ADAP2: variants seen among roughly 807,000 people sequenced by gnomAD.
ADAP2 encodes the protein arf-GAP with dual PH domain-containing protein 2.
Under a neutral mutation model 54.9 loss-of-function variants are expected in ADAP2, and 42 were observed. The ratio of observed to expected loss-of-function variants is 0.77; its 90% CI spans 0.60 to 0.99. The LOEUF is 0.99. Among genes scored for constraint, ADAP2 ranks in the 50% least tolerant of loss-of-function variants. The pLI, the probability that ADAP2 is intolerant of heterozygous loss-of-function variation, is 0.00. For missense variants in ADAP2, 429 were observed against 480.4 expected (o/e 0.89, Z 1.00); for synonymous variants, 177 against 180.1 (o/e 0.98, Z 0.14).
In ADAP2 at chr17:30,953,254, G is replaced by C. The variant is rs766000180; in HGVS notation, c.742-34G>C. ...GCGGGAACCTGGAGCCTTGGGGTGT[G>C]AGTTGGGGGTCAGTGTCTGTCTCTC... is the stretch of plus-strand genomic sequence containing the variant. On this transcript the variant is annotated intron_variant, in intron 7 of 10. Transcript: ENST00000330889. The C allele has an allele frequency of 1.9e-6, 3 of 1,612,634 alleles. No individual in the cohort carries two copies. The South Asian group carries it at 3.3e-5, about 18-fold the overall frequency.
At chr17:30,955,026 T>G (rs983936346) in intron 9 of ADAP2, among the ~76,000 whole-genome samples, 2 of 152,104 alleles carry the variant, frequency 1.3e-5, no homozygotes, top group Admixed American at 1.3e-4. Flanking sequence ...GAGGTTGCCA[T>G]GATGGTTATT....
intron 3 of ADAP2, 21 bp from the exon 4 acceptor site, chr17:30,931,868 C>T: frequency 6.3e-7 from 1 of 1,587,474 alleles, no homozygotes. Context: ...ACGCAGCTGA[C>T]CTCAGGCTCT....
intron 2 of ADAP2, 108 bp downstream of exon 2, chr17:30,923,178 C>A: frequency 7.7e-7 from 1 of 1,305,122 alleles, no homozygotes; most frequent in Admixed American, 1.8e-5. Context: ...CAGAGAGGGG[C>A]AAGTCTAGCT....
At chr17:30,938,919 A>T (rs1162214606) in intron 5 of ADAP2, among the ~76,000 whole-genome samples, 2 of 152,166 alleles carry the variant, frequency 1.3e-5, no homozygotes, top group African/African-American at 4.8e-5. Flanking sequence ...TGGCTTGATC[A>T]CTACACATTA....
At chr17:30,942,400 C>A (rs1183345516) in intron 5 of ADAP2, among the ~76,000 whole-genome samples, 1 of 152,098 alleles carries the variant, frequency 6.6e-6, no homozygotes, top group Non-Finnish European at 1.5e-5. Context: ...AATATTGGTA[C>A]AATCACTGTT....
At chr17:30,926,158 A>AGAGGAGC (rs1046235632) in intron 2 of ADAP2, among the ~76,000 whole-genome samples, 1 of 152,218 alleles carries the variant, frequency 6.6e-6, no homozygotes, top group Non-Finnish European at 1.5e-5. Context: ...GCAGAGGAGA[A>AGAGGAGC]GAGGAGCAAT....
At chr17:30,953,756 C>T (rs186036559) in intron 8 of ADAP2, among the ~76,000 whole-genome samples, 71 of 152,188 alleles carry the variant, frequency 4.7e-4, no homozygotes, top group Admixed American at 4.0e-3. Flanking sequence ...AGGCTGGTCT[C>T]GAACTCCTGA....
Position 30,956,352 on chromosome 17 carries a change from A to G in ADAP2, c.994A>G (p.Ile332Val), listed in dbSNP as rs761180255. ...AAATCGCTGGAAAGCCGGACTCACC[A>G]TTGTCACCCCAGAGCGGAGATTTGT... is the stretch of plus-strand genomic sequence containing the variant. ...RGNRWKAGLT[I>V]VTPERRFVLT... Residue 332 changes from isoleucine to valine, a missense_variant, in exon 10 of 11, where the codon ATT becomes GTT. Ile to Val is a conservative substitution (Grantham distance 29). Coordinates refer to ENST00000330889, the MANE Select transcript of ADAP2 (RefSeq NM_018404.3). 1.2e-6 allele frequency: 2 copies of G among 1,614,042 alleles called. No homozygotes were observed. The highest frequency in any genetic ancestry group is 1.7e-6 in the Non-Finnish European group (2 of 1,180,026).
intron 5 of ADAP2, among the ~76,000 whole-genome samples, chr17:30,936,356 G>A (rs191853107): frequency 6.6e-6 from 1 of 152,080 alleles, no homozygotes; most frequent in East Asian, 1.9e-4. Context: ...TAGAGATAGG[G>A]TTTTGCTTTG....
In ADAP2 at chr17:30,922,931, C is replaced by CTG. The variant is rs1311177068; in HGVS notation, c.95-9_95-8insTG. 1 of 1,613,422 alleles carries CTG rather than the reference C, an allele frequency of 6.2e-7. No individual in the cohort carries two copies. The highest frequency in any genetic ancestry group is 8.5e-7 in the Non-Finnish European group (1 of 1,179,842). On this transcript the variant is annotated splice_polypyrimidine_tract_variant and intron_variant, in intron 1 of 10. Coordinates refer to ENST00000330889, the MANE Select transcript of ADAP2 (RefSeq NM_018404.3). ...CCGCTCAGCTCCTCTCCTGCCTCAT[C>CTG]CCCTGCAGATCCCGACTGGGCCTCT...
At chr17:30,933,776 G>A (rs1911672580) in intron 4 of ADAP2, among the ~76,000 whole-genome samples, 1 of 152,246 alleles carries the variant, frequency 6.6e-6, no homozygotes, top group Non-Finnish European at 1.5e-5. Flanking sequence ...GGGATTACAG[G>A]CGTGAGCCAC....
intron 9 of ADAP2, 94 bp from the exon 10 acceptor site, chr17:30,956,147 C>G: frequency 1.8e-6 from 2 of 1,104,696 alleles, no homozygotes; most frequent in Non-Finnish European, 2.6e-6. Context: ...GACCTCATAC[C>G]CCTTTCCCAA....
At chr17:30,952,639 G>T (rs932869225) in intron 7 of ADAP2, among the ~76,000 whole-genome samples, 8 of 152,156 alleles carry the variant, frequency 5.3e-5, no homozygotes, top group African/African-American at 1.9e-4. Flanking sequence ...ACCTCCCAAA[G>T]TGCTGGGATT....
chr17:30,928,148 A>T (rs1911199877), intron 3 of ADAP2, among the ~76,000 whole-genome samples: 1 of 142,620 alleles, frequency 7.0e-6, no homozygotes, highest in Admixed American at 7.3e-5. Context: ...AGCCAAGATC[A>T]CGCCACTGCA....
intron 2 of ADAP2, among the ~76,000 whole-genome samples, chr17:30,923,893 G>A (rs11867227): frequency 0.24 from 36,775 of 151,164 alleles, 4,568 homozygotes; most frequent in Middle Eastern, 0.28. Flanking sequence ...TAGCAGAGAC[G>A]GGGTTTTGCC....
chr17:30,947,599 C>T (rs758921101), intron 6 of ADAP2, among the ~76,000 whole-genome samples: 2 of 152,150 alleles, frequency 1.3e-5, no homozygotes, highest in African/African-American at 2.4e-5. Context: ...GTGATCCACC[C>T]GCCTCGGCCT....
chr17:30,939,073 A>T (rs1343428438), intron 5 of ADAP2, among the ~76,000 whole-genome samples: 1 of 152,140 alleles, frequency 6.6e-6, no homozygotes, highest in Non-Finnish European at 1.5e-5. Context: ...TAGAGGAAGA[A>T]TTTTTTCCCA....
At chr17:30,953,994 G>C (rs1466257232) in intron 8 of ADAP2, among the ~76,000 whole-genome samples, 1 of 152,002 alleles carries the variant, frequency 6.6e-6, no homozygotes, top group Non-Finnish European at 1.5e-5. Context: ...TCCTGTGTTA[G>C]GCAATCATGA....
Position 30,949,384 on chromosome 17 carries a change from G to A in ADAP2, c.741+14G>A, listed in dbSNP as rs373745284. On this transcript the variant is annotated intron_variant, in intron 7 of 10. Transcript: ENST00000330889. The stretch of plus-strand genomic sequence containing the variant: ...CCAGAGTCTGAGGTGAGCTAAATGC[G>A]GACCCCAATTTCTGAATCTCCTCTT... 2.7e-5 allele frequency: 43 copies of A among 1,610,300 alleles called. No homozygotes were observed. The highest frequency in any genetic ancestry group is 1.7e-4 in the Middle Eastern group (1 of 6,056).
Sources: allele counts gnomAD v4.1 joint callset (sites outside exome capture counted in the v4.1 genomes callset), GRCh38; gene constraint gnomAD v4.1.1; transcripts MANE v1.5; gene names NCBI Gene and HGNC (gene_info 2026-07-23, HGNC 2026-07-21).